The following CEP350 variants were observed in gnomAD, a reference collection of about 807,000 sequenced individuals.
CEP350 encodes the protein centrosome-associated protein 350.
CEP350 carries 126 observed loss-of-function variants against 331.8 expected under a neutral mutation model. The ratio of observed to expected loss-of-function variants is 0.38; its 90% confidence interval spans 0.33 to 0.44. The LOEUF (loss-of-function observed/expected upper bound fraction) is 0.44. Ranked by LOEUF, CEP350 falls within the 20% of genes least tolerant of loss-of-function variation. The pLI is 1.00. For missense variants in CEP350, 3,406 were observed against 3,634.6 expected (o/e 0.94, Z 1.62); for synonymous variants, 1,200 against 1,259.5 (o/e 0.95, Z 1.00).
At chr1:179,976,603 G>A (rs753806076) in intron 1 of CEP350, among the ~76,000 whole-genome samples, 4 of 150,010 alleles carry the variant, frequency 2.7e-5, no homozygotes, top group Non-Finnish European at 4.4e-5. Context: ...GCAGTGAGCC[G>A]AGATCGCGCC....
Position 180,113,405 on chromosome 1 carries a change from A to G in CEP350, c.*2244A>G, listed in dbSNP as rs1661544333. ...GAAAAAGAAAAAAAAAATACAAGTC[A>G]TGGAATCAGCAATCTGGTAAGAAAT... On this transcript the variant is annotated 3_prime_UTR_variant, in exon 38 of 38. Transcript: ENST00000367607. 6.6e-6 allele frequency: 1 copy of G among 152,176 alleles called. No individual in the cohort carries two copies. The highest frequency in any genetic ancestry group is 6.5e-5 in the Admixed American group (1 of 15,268). The allele number at this position is 152,176 out of a possible 1,614,324, so 9.4% of individuals were successfully genotyped here.
At chr1:180,055,074 A>C (rs1657730969) in intron 25 of CEP350, among the ~76,000 whole-genome samples, 1 of 152,162 alleles carries the variant, frequency 6.6e-6, no homozygotes. Flanking sequence ...CTCATCTGTA[A>C]ACTGAAGATA....
At chr1:180,016,356 C>T (rs1421876739) in intron 11 of CEP350, among the ~76,000 whole-genome samples, 1 of 152,074 alleles carries the variant, frequency 6.6e-6, no homozygotes, top group Non-Finnish European at 1.5e-5. Context: ...AACAATTTAG[C>T]CATTGTACTT....
chr1:180,012,652 A>G (rs1654733971), intron 9 of CEP350, among the ~76,000 whole-genome samples: 1 of 152,142 alleles, frequency 6.6e-6, no homozygotes, highest in Admixed American at 6.5e-5. Flanking sequence ...AAATATAAAT[A>G]CTCATATGCC....
intron 18 of CEP350, 132 bp from the exon 19 acceptor site, chr1:180,041,530 C>A: frequency 1.1e-6 from 1 of 920,868 alleles, no homozygotes; most frequent in Non-Finnish European, 1.6e-6. Context: ...AAGACTTAAA[C>A]CATGAAATCC....
intron 1 of CEP350, among the ~76,000 whole-genome samples, chr1:179,965,625 T>C (rs1650954744): frequency 7.0e-6 from 1 of 142,832 alleles, no homozygotes; most frequent in Non-Finnish European, 1.5e-5. Flanking sequence ...CTTTTTTTTT[T>C]TTTTTTTTTT....
At chr1:180,089,328 G>A (rs1212303367) in intron 32 of CEP350, among the ~76,000 whole-genome samples, 1 of 152,208 alleles carries the variant, frequency 6.6e-6, no homozygotes, top group Non-Finnish European at 1.5e-5. Flanking sequence ...GCTCACGCCT[G>A]TAATCCCATC....
intron 8 of CEP350, among the ~76,000 whole-genome samples, chr1:180,009,370 A>G (rs997041116): frequency 1.3e-5 from 2 of 152,234 alleles, no homozygotes; most frequent in African/African-American, 4.8e-5. Context: ...TGTTGTCAGA[A>G]GCATAGTTTG....
chr1:180,041,047 T>A (rs1656727632), intron 17 of CEP350, 91 bp from the exon 18 acceptor site: 1 of 904,516 alleles, frequency 1.1e-6, no homozygotes. Flanking sequence ...TTCAAATGAT[T>A]TGTATTAGTA....
At chr1:180,027,625 T>C (rs1415889158) in intron 14 of CEP350, among the ~76,000 whole-genome samples, 3 of 152,200 alleles carry the variant, frequency 2.0e-5, no homozygotes, top group Admixed American at 6.5e-5. Flanking sequence ...GCTCAAGCAA[T>C]CCACCTGTTT....
intron 1 of CEP350, among the ~76,000 whole-genome samples, chr1:179,978,537 C>T (rs1213974084): frequency 6.6e-6 from 1 of 151,980 alleles, no homozygotes; most frequent in Non-Finnish European, 1.5e-5. Flanking sequence ...CTCCTAAGCC[C>T]CCTTAACCCC....
chr1:180,040,552 T>C (rs964338192), intron 17 of CEP350, among the ~76,000 whole-genome samples: 3 of 151,966 alleles, frequency 2.0e-5, no homozygotes, highest in Non-Finnish European at 4.4e-5. Flanking sequence ...CCTCCCAAAG[T>C]GCTGGGATTG....
At chr1:180,042,132 T>TCTCACACACACACACACACACA (rs1553258521) in intron 19 of CEP350, among the ~76,000 whole-genome samples, 2 of 146,774 alleles carry the variant, frequency 1.4e-5, no homozygotes, top group African/African-American at 5.0e-5. Flanking sequence ...GAGTTTTCTC[T>TCTCACACACACACACACACACA]CACACACACA....
chr1:179,994,613 C>T (rs1653342797), intron 5 of CEP350, among the ~76,000 whole-genome samples: 1 of 151,878 alleles, frequency 6.6e-6, no homozygotes, highest in South Asian at 2.1e-4. Flanking sequence ...GCCACCACTC[C>T]CAGCTAATTT....
intron 15 of CEP350, among the ~76,000 whole-genome samples, chr1:180,032,829 A>G (rs1458100569): frequency 6.6e-6 from 1 of 152,060 alleles, no homozygotes; most frequent in African/African-American, 2.4e-5. Flanking sequence ...GTTTTCTTTG[A>G]TGTTGTGTTT....
chr1:179,965,959 T>G (rs1459238106), intron 1 of CEP350, among the ~76,000 whole-genome samples: 2 of 152,154 alleles, frequency 1.3e-5, no homozygotes, highest in African/African-American at 4.8e-5. Flanking sequence ...CTACTATTTC[T>G]TAGCTGAAAT....
intron 1 of CEP350, among the ~76,000 whole-genome samples, chr1:179,973,587 T>G (rs1651617776): frequency 6.6e-6 from 1 of 152,190 alleles, no homozygotes; most frequent in Non-Finnish European, 1.5e-5. Context: ...GTTTTCTGAT[T>G]TATTGCACAT....
intron 1 of CEP350, among the ~76,000 whole-genome samples, chr1:179,981,849 A>T (rs992051296): frequency 1.3e-5 from 2 of 151,914 alleles, no homozygotes; most frequent in Non-Finnish European, 2.9e-5. Context: ...ATAAAAAAAA[A>T]ATTAACCGGC....
rs747345761 is a variant in CEP350 at position 180,014,501 on chromosome 1, C to T, written c.2048C>T (p.Thr683Ile). 13 of 1,600,560 alleles carry T rather than the reference C, an allele frequency of 8.1e-6. No individual in the cohort carries two copies. Among genetic ancestry groups the T allele is most frequent in the Middle Eastern group, 3.3e-4 (2 of 5,994 alleles). ...EPSHQHVTQE[T>I]QAKPGYQPSG... ...TCTCATCAACATGTTACGCAGGAAA[C>T]ACAGGTAATAGTAGTGACATATACA... Residue 683 changes from threonine to isoleucine, a missense_variant, in exon 10 of 38, where the codon ACA becomes ATA. Physicochemically the swap from Thr to Ile is moderately conservative, Grantham distance 89. Coordinates refer to ENST00000367607, the MANE Select transcript of CEP350 (RefSeq NM_014810.5).
Sources: gnomAD v4.1 joint callset for allele counts (sites outside exome capture counted in the v4.1 genomes callset) on GRCh38, gnomAD v4.1.1 for gene constraint, MANE v1.5 for transcripts, NCBI Gene and HGNC (gene_info 2026-07-23, HGNC 2026-07-21) for gene names.